The following DNAH5 variants were observed in gnomAD, a reference collection of about 807,000 sequenced individuals.
DNAH5 encodes the protein axonemal beta dynein heavy chain 5.
Under a neutral mutation model 518.2 loss-of-function variants are expected in DNAH5, and 372 were observed. The observed-to-expected ratio is 0.72, with a 90% CI of 0.66 to 0.78. The LOEUF is 0.78. Ranked by LOEUF, DNAH5 falls within the 30% of genes least tolerant of loss-of-function variation. The probability of loss-of-function intolerance (pLI) is 0.00; values close to 1 mark genes in which losing one functional copy is unlikely to be tolerated. For missense variants in DNAH5, 5,523 were observed against 5,687.0 expected (o/e 0.97, Z 0.93); for synonymous variants, 2,039 against 2,025.9 (o/e 1.01, Z -0.17).
intron 17 of DNAH5, 46 bp downstream of exon 17, chr5:13,890,930 T>G (rs1426921182): frequency 6.2e-7 from 1 of 1,611,242 alleles, no homozygotes; most frequent in African/African-American, 1.3e-5. Flanking sequence ...TATAGGAAAA[T>G]GAATCACCAA....
intron 71 of DNAH5, among the ~76,000 whole-genome samples, chr5:13,719,385 A>G (rs1191372768): frequency 2.0e-5 from 3 of 152,240 alleles, no homozygotes; most frequent in Non-Finnish European, 4.4e-5. Flanking sequence ...ACTTCCAAGT[A>G]AAGATGGCTG....
At chr5:14,011,700 C>T (rs965347351) in exon 1 of DNAH5, among the ~76,000 whole-genome samples, 7 of 152,132 alleles carry the variant, frequency 4.6e-5, no homozygotes, top group African/African-American at 1.4e-4. Flanking sequence ...CGTAGCGCTC[C>T]CCCGGTGCAG....
chr5:13,823,122 C>G (rs1329305263), intron 40 of DNAH5, 141 bp downstream of exon 40: 1 of 757,102 alleles, frequency 1.3e-6, no homozygotes, highest in African/African-American at 1.7e-5. Flanking sequence ...ATTGGCCTCC[C>G]TTAAGACAGC....
intron 17 of DNAH5, among the ~76,000 whole-genome samples, chr5:13,887,418 T>C (rs1435743632): frequency 6.6e-6 from 1 of 152,084 alleles, no homozygotes. Flanking sequence ...AAGTAATAAA[T>C]AGACTCATTA....
chr5:13,775,003 C>T (rs1343332881), intron 55 of DNAH5, among the ~76,000 whole-genome samples: 1 of 152,044 alleles, frequency 6.6e-6, no homozygotes, highest in Non-Finnish European at 1.5e-5. Context: ...CTCTGAAATA[C>T]TCTTGATCTG....
chr5:13,972,896 C>T (rs1298275473), intron 1 of DNAH5, among the ~76,000 whole-genome samples: 2 of 152,096 alleles, frequency 1.3e-5, no homozygotes, highest in Non-Finnish European at 2.9e-5. Flanking sequence ...TATTTTGCCC[C>T]CCAAAAAATG....
chr5:13,765,954 C>T (rs745921494), intron 59 of DNAH5, 22 bp downstream of exon 59: 3 of 1,610,136 alleles, frequency 1.9e-6, no homozygotes, highest in South Asian at 2.2e-5. Context: ...CCCTCTTAGC[C>T]CATCACCACT....
At chr5:13,877,609 C>A (rs558555034) in intron 21 of DNAH5, among the ~76,000 whole-genome samples, 2 of 152,250 alleles carry the variant, frequency 1.3e-5, no homozygotes, top group East Asian at 3.9e-4. Context: ...TATGTTATAA[C>A]CAAAAACATA....
intron 32 of DNAH5, among the ~76,000 whole-genome samples, chr5:13,844,198 A>G (rs1410458842): frequency 2.6e-5 from 4 of 152,226 alleles, no homozygotes; most frequent in African/African-American, 9.6e-5. Flanking sequence ...GTTGCTCAAT[A>G]AATGTAACAC....
chr5:13,807,845 ATTTGGAGATAAG>A, intron 46 of DNAH5, 120 bp from the exon 47 acceptor site: 1 of 873,394 alleles, frequency 1.1e-6, no homozygotes, highest in Non-Finnish European at 1.8e-6. Context: ...ATGTGATTCT[ATTTGGAGATAAG>A]GTCTTTAAAG....
intron 75 of DNAH5, among the ~76,000 whole-genome samples, chr5:13,708,797 C>A (rs1743139409): frequency 6.6e-6 from 1 of 152,184 alleles, no homozygotes; most frequent in Non-Finnish European, 1.5e-5. Context: ...CCATCCATCC[C>A]CCCAACCATT....
chr5:13,979,330 C>T (rs1782504636), intron 1 of DNAH5, among the ~76,000 whole-genome samples: 1 of 152,160 alleles, frequency 6.6e-6, no homozygotes, highest in African/African-American at 2.4e-5. Flanking sequence ...TTTCTTTCTT[C>T]CTATAGCATG....
rs879360216 is a variant in DNAH5, at chr5:13,713,844, AC to A, written c.13125+560del. Among the ~76,000 whole-genome samples, 89 of 152,180 alleles carry A rather than the reference AC, an allele frequency of 5.8e-4. No homozygotes were observed. The Middle Eastern group carries it at 0.02, about 35-fold the overall frequency. On this transcript the variant is annotated intron_variant, in intron 75 of 78. Transcript: ENST00000265104. ...GTACCCCAATAACTCATGAAAAAAA[AC>A]TTTTGAAAATTAATTCAATTTAAAA... is the stretch of plus-strand genomic sequence containing the variant.
chr5:13,716,275 A>C (rs886338831), intron 74 of DNAH5, among the ~76,000 whole-genome samples: 3 of 152,196 alleles, frequency 2.0e-5, no homozygotes, highest in African/African-American at 7.2e-5. Context: ...GGATGGAAAC[A>C]CGATTCACAC....
intron 1 of DNAH5, among the ~76,000 whole-genome samples, chr5:13,936,039 C>G (rs2152017005): frequency 6.6e-6 from 1 of 152,268 alleles, no homozygotes; most frequent in East Asian, 1.9e-4. Context: ...GTTATTACTG[C>G]CTTAGAATGG....
intron 55 of DNAH5, chr5:13,771,285 T>C (rs1396553118): frequency 1.0e-5 from 4 of 397,278 alleles, no homozygotes; most frequent in Non-Finnish European, 1.4e-5. Flanking sequence ...ACCTGTTTTA[T>C]GGTTTACATC....
chr5:13,869,485 T>C (rs1372591272), intron 24 of DNAH5, among the ~76,000 whole-genome samples: 4 of 152,114 alleles, frequency 2.6e-5, no homozygotes, highest in Non-Finnish European at 5.9e-5. Flanking sequence ...CACTCTTGGG[T>C]CTTTGTCAAC....
rs1395945103 is a variant in DNAH5, at chr5:13,902,105, C to T, written c.1678G>A (p.Ala560Thr). ...ELRKFMDVTF[A>T]KIQNTNQALR... Reference sequence around the variant, plus strand: ...GCTTGATTTGTGTTTTGAATCTTTGCAAATGTAACATCCATGAACTTCCGC... The same window carrying T: ...GCTTGATTTGTGTTTTGAATCTTTGTAAATGTAACATCCATGAACTTCCGC... Residue 560 changes from alanine (A) to threonine (T), a missense_variant, in exon 13 of 79, where the codon GCA becomes ACA. Ala to Thr is a moderately conservative substitution (Grantham distance 58). This residue lies in a region of DNAH5 where 5,121 missense variants were observed against 5,223.3 expected (regional missense o/e 0.98). Coordinates refer to ENST00000265104, the MANE Select transcript of DNAH5 (RefSeq NM_001369.3). The T allele has an allele frequency of 8.7e-6, 14 of 1,609,606 alleles. No individual in the cohort carries two copies. The highest frequency in any genetic ancestry group is 1.2e-5 in the Non-Finnish European group (14 of 1,177,492).
chr5:13,885,298 TAGAC>T (rs748034849), intron 18 of DNAH5, 70 bp from the exon 19 acceptor site: 1,376 of 1,550,276 alleles, frequency 8.9e-4, no homozygotes, highest in Non-Finnish European at 1.0e-3. Flanking sequence ...GACAGATAGA[TAGAC>T]AGATAGATAG....
Sources: allele counts gnomAD v4.1 joint callset (sites outside exome capture counted in the v4.1 genomes callset), GRCh38; gene constraint gnomAD v4.1.1; regional missense constraint gnomAD v4.1.1; transcripts MANE v1.5; gene names NCBI Gene and HGNC (gene_info 2026-07-23, HGNC 2026-07-21).